Variants in DLC1 observed in about 807,000 individuals in gnomAD.
DLC1 encodes the protein rho GTPase-activating protein 7.
Under a neutral mutation model 140.3 loss-of-function variants are expected in DLC1, and 54 were observed. The observed-to-expected ratio is 0.38, with a 90% CI of 0.31 to 0.48. The LOEUF is 0.48. DLC1 is among the 20% of genes least tolerant of loss of function. The pLI is 0.96. For missense variants in DLC1, 2,536 were observed against 1,907.0 expected, an observed-to-expected ratio of 1.33 and a Z score of -6.14; for synonymous variants, 986 against 728.1, an observed-to-expected ratio of 1.35 and a Z score of -5.70.
At chr8:13,182,697 A>G (rs1826111184) in intron 5 of DLC1, among the ~76,000 whole-genome samples, 1 of 152,192 alleles carries the variant, frequency 6.6e-6, no homozygotes, top group Non-Finnish European at 1.5e-5. Context: ...TTTTGGTACC[A>G]GTACCATGCT....
chr8:13,467,402 T>A lies in DLC1; in HGVS notation c.1023+31647A>T, dbSNP rs1232612898. Among the ~76,000 whole-genome samples the A allele has an allele frequency of 2.0e-5, 3 of 152,040 alleles. No homozygotes were observed. The East Asian group carries it at 5.8e-4, about 29-fold the overall frequency. ...CCTCTCCCCTCCCCTCTCCTTTTTC[T>A]GTAGCTATCAATTTGTTAGGTTAAG... On this transcript the variant is annotated intron_variant, in intron 2 of 17. Coordinates refer to ENST00000276297, the MANE Select transcript of DLC1 (RefSeq NM_182643.3).
chr8:13,387,495 T>G (rs1158390450), intron 4 of DLC1, among the ~76,000 whole-genome samples: 1 of 151,988 alleles, frequency 6.6e-6, no homozygotes, highest in East Asian at 1.9e-4. Context: ...TTCAAGATTT[T>G]TTTTTCAGTT....
intron 7 of DLC1, among the ~76,000 whole-genome samples, chr8:13,105,399 AG>A (rs1318081036): frequency 1.3e-5 from 2 of 152,128 alleles, no homozygotes; most frequent in African/African-American, 4.8e-5. Context: ...ACTGCGGGCC[AG>A]GCACTATGCT....
rs185861039 is a variant in DLC1 at position 13,365,581 on chromosome 8, G to A, written c.1314+27972C>T. Among the ~76,000 whole-genome samples the A allele has an allele frequency of 8.5e-4, 129 of 152,260 alleles. 1 individual carries two copies. Among genetic ancestry groups the A allele is most frequent in the Admixed American group, 1.5e-3 (23 of 15,290 alleles). On this transcript the variant is annotated intron_variant, in intron 4 of 17. Transcript: ENST00000276297. ...CAATTTCTCTTTTGAGAATGTTGGAGTCCACCTTGCTTAATGAAGCACTTA... is the reference window on the plus strand; with the variant it reads ...CAATTTCTCTTTTGAGAATGTTGGAATCCACCTTGCTTAATGAAGCACTTA...
chr8:13,388,482 T>A (rs572085786), intron 4 of DLC1, among the ~76,000 whole-genome samples: 60 of 152,108 alleles, frequency 3.9e-4, no homozygotes, highest in South Asian at 1.7e-3. Context: ...GAGAAAGTTT[T>A]ATACATAATT....
chr8:13,372,628 T>C (rs1835778429), intron 4 of DLC1, among the ~76,000 whole-genome samples: 1 of 152,192 alleles, frequency 6.6e-6, no homozygotes, highest in African/African-American at 2.4e-5. Flanking sequence ...CTGTCTGTCA[T>C]ATTCTAACTA....
chr8:13,093,089 C>T (rs73552375), intron 12 of DLC1, among the ~76,000 whole-genome samples: 2,963 of 151,998 alleles, frequency 0.019, 88 homozygotes, highest in African/African-American at 0.062. Context: ...CCTCAGAGTT[C>T]GGCTCTAGAG....
In DLC1 at chr8:13,499,747, G is replaced by A. The variant is rs1801702893; in HGVS notation, c.325C>T (p.His109Tyr). 4 of 1,614,028 alleles carry A rather than the reference G, an allele frequency of 2.5e-6. No homozygotes were observed. The highest frequency in any genetic ancestry group is 2.2e-5 in the East Asian group (1 of 44,864). ...SLEASTETLV[H>Y]VSDEDNNADL... ...GCATTGTTATCCTCATCAGAAACATGCACTAGTGTTTCTGTGCTGGCTTCC... is the reference window on the plus strand; with the variant it reads ...GCATTGTTATCCTCATCAGAAACATACACTAGTGTTTCTGTGCTGGCTTCC... Residue 109 changes from histidine (H) to tyrosine (Y), a missense_variant, in exon 2 of 18, where the codon CAT (histidine) becomes TAT (tyrosine). By Grantham distance (83) the His-to-Tyr change is moderately conservative. Coordinates refer to ENST00000276297, the MANE Select transcript of DLC1 (RefSeq NM_182643.3).
chr8:13,143,703 C>T (rs1400703157), intron 5 of DLC1, among the ~76,000 whole-genome samples: 2 of 151,912 alleles, frequency 1.3e-5, no homozygotes, highest in South Asian at 2.1e-4. Flanking sequence ...TGAGCCACCA[C>T]ACCCAGCATC....
chr8:13,543,470 TC>T (rs1403434120), intron 1 of DLC1, among the ~76,000 whole-genome samples: 1 of 152,192 alleles, frequency 6.6e-6, no homozygotes, highest in African/African-American at 2.4e-5. Flanking sequence ...AAATTGTAGA[TC>T]TATTTTTAGT....
At position 13,514,675 on chromosome 8, in the gene DLC1, G is replaced by T; in HGVS notation, c.-199C>A. ...CAGGCTAGGAAAGAAGTCCGTCCCC[G>T]TTAGTTTCTCCAAAATCTAAGTTCC... On this transcript the variant is annotated 5_prime_UTR_variant, in exon 1 of 18. Coordinates refer to ENST00000276297, the MANE Select transcript of DLC1 (RefSeq NM_182643.3). 2.5e-6 allele frequency: 1 copy of T among 398,594 alleles called. No homozygotes were observed. The highest frequency in any genetic ancestry group is 4.4e-6 in the Non-Finnish European group (1 of 226,066). The allele number at this position is 398,594 out of a possible 1,614,324, so 24.7% of individuals were successfully genotyped here.
chr8:13,135,265 C>T (rs992657833), intron 5 of DLC1, among the ~76,000 whole-genome samples: 1 of 147,296 alleles, frequency 6.8e-6, no homozygotes, highest in South Asian at 2.2e-4. Context: ...AGTGCAGTGA[C>T]ACGATCTCGG....
chr8:13,528,826 C>T (rs755241486), intron 1 of DLC1, among the ~76,000 whole-genome samples: 2 of 152,124 alleles, frequency 1.3e-5, no homozygotes, highest in Non-Finnish European at 1.5e-5. Flanking sequence ...GAGCAACAGA[C>T]CCACTGAACT....
chr8:13,398,139 A>C (rs968811193), intron 3 of DLC1, among the ~76,000 whole-genome samples: 44 of 150,620 alleles, frequency 2.9e-4, no homozygotes, highest in African/African-American at 1.0e-3. Context: ...CAAAAAAAAG[A>C]ACAAGACCTT....
intron 4 of DLC1, among the ~76,000 whole-genome samples, chr8:13,364,635 C>T (rs146503823): frequency 4.0e-4 from 61 of 152,220 alleles, no homozygotes; most frequent in African/African-American, 1.4e-3. Context: ...TGTTTACTGA[C>T]CCTACATACT....
chr8:13,226,455 G>C (rs1256938635), intron 5 of DLC1, among the ~76,000 whole-genome samples: 1 of 152,118 alleles, frequency 6.6e-6, no homozygotes, highest in Non-Finnish European at 1.5e-5. Flanking sequence ...TGATATATGG[G>C]CTAAAATTGA....
At chr8:13,240,423 T>C (rs1028024648) in intron 5 of DLC1, among the ~76,000 whole-genome samples, 5 of 152,172 alleles carry the variant, frequency 3.3e-5, no homozygotes, top group Admixed American at 6.5e-5. Flanking sequence ...TATACACATA[T>C]ATGTACATTT....
intron 1 of DLC1, among the ~76,000 whole-genome samples, chr8:13,574,392 AAT>A: frequency 6.6e-6 from 1 of 152,282 alleles, no homozygotes; most frequent in Admixed American, 6.5e-5. Flanking sequence ...GCTCAAACTT[AAT>A]ATATGTTTTT....
chr8:13,390,970 G>A (rs1836728558), intron 4 of DLC1, among the ~76,000 whole-genome samples: 1 of 107,578 alleles, frequency 9.3e-6, no homozygotes, highest in Non-Finnish European at 2.1e-5. Flanking sequence ...GGGCGACAGA[G>A]CGAGACTCCG....
Sources: gnomAD v4.1 joint callset for allele counts (sites outside exome capture counted in the v4.1 genomes callset) on GRCh38, gnomAD v4.1.1 for gene constraint, MANE v1.5 for transcripts, NCBI Gene and HGNC (gene_info 2026-07-23, HGNC 2026-07-21) for gene names.